CDH13: variants seen among roughly 807,000 people sequenced by gnomAD.
CDH13 encodes cadherin-13.
CDH13 carries 24 observed loss-of-function variants against 63.8 expected under a neutral mutation model. The observed-to-expected ratio is 0.38, with a 90% CI of 0.27 to 0.53. The LOEUF is 0.53. CDH13 is among the 20% of genes least tolerant of loss of function. The pLI, the probability that CDH13 is intolerant of heterozygous loss-of-function variation, is 0.85. For missense variants in CDH13, 1,049 were observed against 903.1 expected (o/e 1.16, Z -2.07); for synonymous variants, 503 against 355.3 (o/e 1.42, Z -4.67).
At chr16:83,016,932 C>T (rs560748598) in intron 2 of CDH13, among the ~76,000 whole-genome samples, 1 of 152,276 alleles carries the variant, frequency 6.6e-6, no homozygotes, top group South Asian at 2.1e-4. Flanking sequence ...GTTCTTTTCT[C>T]CTCCATGGTG....
chr16:83,042,039 T>A (rs1917373511), intron 3 of CDH13, among the ~76,000 whole-genome samples: 2 of 152,246 alleles, frequency 1.3e-5, no homozygotes, highest in Non-Finnish European at 2.9e-5. Context: ...AACTGCAATT[T>A]TTTTCTACTC....
intron 2 of CDH13, among the ~76,000 whole-genome samples, chr16:83,010,237 G>C (rs1394609830): frequency 6.6e-6 from 1 of 151,170 alleles, no homozygotes; most frequent in Non-Finnish European, 1.5e-5. Flanking sequence ...TGCTGATCCT[G>C]GCACAGCACT....
intron 4 of CDH13, among the ~76,000 whole-genome samples, chr16:83,214,066 C>T (rs2039420505): frequency 6.6e-6 from 1 of 152,038 alleles, no homozygotes; most frequent in Non-Finnish European, 1.5e-5. Flanking sequence ...AAGCTGGCCA[C>T]CCCCAAGGCA....
At chr16:83,230,021 G>A (rs1293621375) in intron 5 of CDH13, among the ~76,000 whole-genome samples, 1 of 152,168 alleles carries the variant, frequency 6.6e-6, no homozygotes, top group African/African-American at 2.4e-5. Flanking sequence ...AATTGATTGT[G>A]TCCTCCTTCA....
At chr16:82,763,963 G>T (rs1328680074) in intron 1 of CDH13, among the ~76,000 whole-genome samples, 1 of 152,208 alleles carries the variant, frequency 6.6e-6, no homozygotes, top group Non-Finnish European at 1.5e-5. Context: ...GTGAGCCACT[G>T]TGCCTGGCCA....
intron 2 of CDH13, among the ~76,000 whole-genome samples, chr16:82,977,087 A>G (rs28756196): frequency 2.7e-3 from 409 of 152,316 alleles, no homozygotes; most frequent in African/African-American, 9.5e-3. Context: ...ATACCTCTGG[A>G]ATACACTTTA....
chr16:83,566,590 C>G (rs1036902615), intron 7 of CDH13, among the ~76,000 whole-genome samples: 4 of 152,112 alleles, frequency 2.6e-5, no homozygotes, highest in African/African-American at 9.7e-5. Context: ...TGGACCCGCC[C>G]AAGCCCTGAG....
chr16:83,253,117 C>T (rs950599761), intron 5 of CDH13, among the ~76,000 whole-genome samples: 1 of 152,088 alleles, frequency 6.6e-6, no homozygotes, highest in Non-Finnish European at 1.5e-5. Context: ...TGGTGTCCTC[C>T]TCAAAGTAAA....
intron 4 of CDH13, among the ~76,000 whole-genome samples, chr16:83,177,016 G>T (rs745575354): frequency 2.0e-5 from 3 of 152,172 alleles, no homozygotes; most frequent in African/African-American, 7.2e-5. Context: ...AGCTTGCTGT[G>T]ATTATGGAAA....
chr16:82,788,941 G>A (rs982155244), intron 1 of CDH13, among the ~76,000 whole-genome samples: 1 of 152,230 alleles, frequency 6.6e-6, no homozygotes, highest in African/African-American at 2.4e-5. Context: ...CTTGGGCACA[G>A]GTAGAGGTGA....
At chr16:83,730,087 A>T (rs938618991) in intron 10 of CDH13, among the ~76,000 whole-genome samples, 3 of 152,226 alleles carry the variant, frequency 2.0e-5, no homozygotes, top group Admixed American at 6.5e-5. Context: ...TGCTGTGTTC[A>T]TCATGGCTTT....
intron 6 of CDH13, among the ~76,000 whole-genome samples, chr16:83,372,449 G>A (rs1027771829): frequency 1.3e-5 from 2 of 152,032 alleles, no homozygotes; most frequent in African/African-American, 4.8e-5. Context: ...CATGGGCCAG[G>A]TCTACTCTAT....
chr16:83,170,947 C>A (rs1290743092), intron 4 of CDH13, among the ~76,000 whole-genome samples: 2 of 152,058 alleles, frequency 1.3e-5, no homozygotes, highest in Admixed American at 6.6e-5. Context: ...CGTCGCTATC[C>A]TCTTCTCCTC....
intron 11 of CDH13, among the ~76,000 whole-genome samples, chr16:83,779,173 T>G (rs1316598896): frequency 6.6e-6 from 1 of 151,766 alleles, no homozygotes; most frequent in Non-Finnish European, 1.5e-5. Context: ...TTGGGAGGCC[T>G]AGGCAGGCGG....
At chr16:83,026,377 C>T (rs895437092) in intron 2 of CDH13, among the ~76,000 whole-genome samples, 1 of 152,196 alleles carries the variant, frequency 6.6e-6, no homozygotes, top group Non-Finnish European at 1.5e-5. Context: ...GTCAGTCAAT[C>T]TCTCTGAGAC....
chr16:83,476,685 C>T (rs993153772), intron 6 of CDH13, among the ~76,000 whole-genome samples: 3 of 152,042 alleles, frequency 2.0e-5, no homozygotes, highest in East Asian at 1.9e-4. Flanking sequence ...TCAAAAAAAA[C>T]TCTTAAATTG....
intron 1 of CDH13, among the ~76,000 whole-genome samples, chr16:82,857,759 AATT>A (rs1479413634): frequency 6.6e-6 from 1 of 152,204 alleles, no homozygotes; most frequent in Non-Finnish European, 1.5e-5. Context: ...ATTAATATGA[AATT>A]ATTGACTATT....
chr16:83,159,831 T>C (rs960528683), intron 4 of CDH13, among the ~76,000 whole-genome samples: 3 of 152,038 alleles, frequency 2.0e-5, no homozygotes, highest in East Asian at 1.9e-4. Flanking sequence ...TCCTAGCACT[T>C]TGGGAGACTG....
chr16:83,361,524 C>T (rs138793721), intron 6 of CDH13, among the ~76,000 whole-genome samples: 4 of 152,226 alleles, frequency 2.6e-5, no homozygotes, highest in South Asian at 2.1e-4. Context: ...TCCAGAATGG[C>T]GTTTCCTAGG....
Sources: gnomAD v4.1 joint callset for allele counts (sites outside exome capture counted in the v4.1 genomes callset) on GRCh38, gnomAD v4.1.1 for gene constraint, MANE v1.5 for transcripts, NCBI Gene and HGNC (gene_info 2026-07-23, HGNC 2026-07-21) for gene names.